ARHGEF28: variants seen among roughly 807,000 people sequenced by gnomAD.
ARHGEF28 encodes the protein Rho guanine nucleotide exchange factor 28, also known as 190 kDa guanine nucleotide exchange factor.
A neutral mutation model predicts 206.6 loss-of-function variants in ARHGEF28; 152 were observed. The ratio of observed to expected loss-of-function variants is 0.74; its 90% CI spans 0.64 to 0.84. The LOEUF is 0.84. Among genes scored for constraint, ARHGEF28 ranks in the 40% least tolerant of loss-of-function variants. ARHGEF28 has a pLI of 0.00. For missense variants in ARHGEF28, 2,028 were observed against 2,073.2 expected (o/e 0.98, Z 0.42); for synonymous variants, 763 against 776.4 (o/e 0.98, Z 0.29).
intron 2 of ARHGEF28, among the ~76,000 whole-genome samples, chr5:73,723,335 G>A (rs978776791): frequency 2.0e-5 from 3 of 151,994 alleles, no homozygotes; most frequent in Non-Finnish European, 2.9e-5. Flanking sequence ...CTACAGCTGC[G>A]TGCCACCACG....
intron 9 of ARHGEF28, among the ~76,000 whole-genome samples, chr5:73,816,628 C>T (rs1269068855): frequency 1.3e-5 from 2 of 152,190 alleles, no homozygotes; most frequent in African/African-American, 4.8e-5. Flanking sequence ...AGGAAAATAA[C>T]ATTAGCAGAA....
chr5:73,668,697 A>G (rs1442356880), intron 1 of ARHGEF28, among the ~76,000 whole-genome samples: 2 of 139,858 alleles, frequency 1.4e-5, no homozygotes, highest in Non-Finnish European at 3.1e-5. Flanking sequence ...GAAAATGCAG[A>G]CAAAAGAGAG....
intron 1 of ARHGEF28, among the ~76,000 whole-genome samples, chr5:73,683,118 G>A (rs539895517): frequency 6.6e-6 from 1 of 151,508 alleles, no homozygotes; most frequent in Non-Finnish European, 1.5e-5. Flanking sequence ...GTGATGCTGG[G>A]TTTTTTTTGT....
At chr5:73,881,239 A>G (rs115754061) in intron 22 of ARHGEF28, among the ~76,000 whole-genome samples, 175 of 152,222 alleles carry the variant, frequency 1.1e-3, no homozygotes, top group Non-Finnish European at 1.8e-3. Context: ...GAGTCCTTCC[A>G]CTTTATTATT....
rs76306175 is a variant in ARHGEF28 at position 73,650,226 on chromosome 5, T to C, written c.-12+23904T>C. Among the ~76,000 whole-genome samples the C allele has an allele frequency of 9.2e-3, 1,396 of 151,816 alleles. 26 individuals are homozygous for C. Among genetic ancestry groups the C allele is most frequent in the African/African-American group, 0.031 (1,288 of 41,406 alleles). ...TTTAGAGCTGCAAGTAATCCACTTA[T>C]AGGCATTGGAATCTGGCCCGTTCAT... On this transcript the variant is annotated intron_variant, in intron 1 of 35. Coordinates refer to ENST00000513042, the MANE Select transcript of ARHGEF28 (RefSeq NM_001177693.2).
intron 9 of ARHGEF28, among the ~76,000 whole-genome samples, chr5:73,819,278 T>C (rs1475878410): frequency 6.6e-6 from 1 of 152,194 alleles, no homozygotes; most frequent in Non-Finnish European, 1.5e-5. Context: ...TTTCTTCCCT[T>C]TGCTCTTTAG....
intron 7 of ARHGEF28, among the ~76,000 whole-genome samples, chr5:73,793,522 C>T (rs865839506): frequency 2.0e-5 from 3 of 152,110 alleles, no homozygotes; most frequent in Non-Finnish European, 4.4e-5. Flanking sequence ...CAGGCGTTTC[C>T]CCAGGATTAG....
chr5:73,661,965 G>A (rs1220225557), intron 1 of ARHGEF28, among the ~76,000 whole-genome samples: 2 of 152,098 alleles, frequency 1.3e-5, no homozygotes, highest in African/African-American at 4.8e-5. Flanking sequence ...ATGCAGGATT[G>A]CCACAAACTT....
chr5:73,687,418 A>AT (rs1241443328), intron 2 of ARHGEF28, among the ~76,000 whole-genome samples: 1 of 151,864 alleles, frequency 6.6e-6, no homozygotes, highest in Non-Finnish European at 1.5e-5. Flanking sequence ...AGTATATAAC[A>AT]TTTTTTAATT....
At chr5:73,765,835 A>AT (rs1180500876) in intron 4 of ARHGEF28, among the ~76,000 whole-genome samples, 1 of 152,138 alleles carries the variant, frequency 6.6e-6, no homozygotes, top group South Asian at 2.1e-4. Flanking sequence ...TTTAATGTGA[A>AT]TCAAAAAAAA....
chr5:73,630,002 A>G (rs1477774914), intron 1 of ARHGEF28, among the ~76,000 whole-genome samples: 9 of 152,200 alleles, frequency 5.9e-5, no homozygotes, highest in Non-Finnish European at 1.0e-4. Flanking sequence ...TGTTCAGAAG[A>G]GACCTTTCCA....
intron 14 of ARHGEF28, 41 bp from the exon 15 acceptor site, chr5:73,857,615 C>T (rs1236769788): frequency 6.5e-7 from 1 of 1,545,140 alleles, no homozygotes; most frequent in Non-Finnish European, 8.7e-7. Flanking sequence ...GCTATTCTTC[C>T]TAAGTCATAT....
chr5:73,848,687 G>C (rs1019773188), intron 12 of ARHGEF28, among the ~76,000 whole-genome samples: 28 of 151,960 alleles, frequency 1.8e-4, no homozygotes, highest in African/African-American at 6.8e-4. Context: ...CAAAGAAAAA[G>C]TCATTTGTCT....
rs60086897 is a variant in ARHGEF28 at position 73,910,381 on chromosome 5, CAAAAAAAAA to C, written c.4647+501_4647+509del. Among the ~76,000 whole-genome samples the C allele has an allele frequency of 2.7e-3, 84 of 31,002 alleles. 1 individual carries two copies. Among genetic ancestry groups the C allele is most frequent in the Non-Finnish European group, 3.9e-3 (74 of 18,760 alleles). 20.3% of individuals were successfully genotyped at this position (31,002 alleles called of 152,430 possible). ...GGGTGACAAAAGTAAAACACCATCT[CAAAAAAAAA>C]AAAAAAAAAAAAAAAAGGACAATGT... On this transcript the variant is annotated intron_variant, in intron 34 of 35. Transcript: ENST00000513042.
chr5:73,808,524 T>C (rs575175731), intron 9 of ARHGEF28, among the ~76,000 whole-genome samples: 13 of 152,322 alleles, frequency 8.5e-5, no homozygotes, highest in Non-Finnish European at 1.2e-4. Flanking sequence ...ACTGTTTGTG[T>C]TGAGCTTGCT....
At chr5:73,739,831 AT>A (rs1296774829) in intron 2 of ARHGEF28, among the ~76,000 whole-genome samples, 34 of 63,574 alleles carry the variant, frequency 5.3e-4, no homozygotes, top group African/African-American at 1.8e-3. Context: ...AATAATAAAA[AT>A]AAATAAATAA....
intron 35 of ARHGEF28, among the ~76,000 whole-genome samples, chr5:73,919,173 T>C (rs1474084419): frequency 1.3e-5 from 2 of 152,190 alleles, no homozygotes; most frequent in African/African-American, 4.8e-5. Flanking sequence ...CTGGAAATAA[T>C]GTATTCCGAT....
At chr5:73,835,629 G>T (rs975236640) in intron 10 of ARHGEF28, among the ~76,000 whole-genome samples, 2 of 152,142 alleles carry the variant, frequency 1.3e-5, no homozygotes, top group African/African-American at 4.8e-5. Context: ...ACTGTTCTCT[G>T]TATCTTTTGT....
chr5:73,774,130 G>A, intron 5 of ARHGEF28, 92 bp downstream of exon 5: 4 of 1,203,576 alleles, frequency 3.3e-6, no homozygotes, highest in Non-Finnish European at 4.5e-6. Context: ...ACAAGCTAAT[G>A]TTGGTTTATG....
Sources: allele counts gnomAD v4.1 joint callset (sites outside exome capture counted in the v4.1 genomes callset), GRCh38; gene constraint gnomAD v4.1.1; transcripts MANE v1.5; gene names NCBI Gene and HGNC (gene_info 2026-07-23, HGNC 2026-07-21).